The following ATL2 variants were observed in gnomAD, a reference collection of about 807,000 sequenced individuals.
ATL2 encodes the protein atlastin GTPase 2.
Under a neutral mutation model 73.9 loss-of-function variants are expected in ATL2, and 31 were observed. That is an observed-to-expected ratio of 0.42 (90% CI 0.32 to 0.57). ATL2 has a LOEUF of 0.57. Among genes scored for constraint, ATL2 ranks in the 20% least tolerant of loss-of-function variants. The pLI is 0.14. For synonymous variants in ATL2, 291 were observed against 237.5 expected, an observed-to-expected ratio of 1.23 and a Z score of -2.07; for missense variants, 738 against 702.6, an observed-to-expected ratio of 1.05 and a Z score of -0.57.
At position 38,319,895 on chromosome 2, in the gene ATL2, G is replaced by A. The variant is rs553613313; in HGVS notation, c.364-876C>T. Reference sequence around the variant, plus strand: ...GGACGAGGCAGGTGGCTCACCTGAGGTCAGGAGTTCGAGACCAGCCTGGCC... The same window carrying A: ...GGACGAGGCAGGTGGCTCACCTGAGATCAGGAGTTCGAGACCAGCCTGGCC... On this transcript the variant is annotated intron_variant, in intron 2 of 12. Transcript: ENST00000378954. Among the ~76,000 whole-genome samples, 21 of 152,168 alleles carry A rather than the reference G, an allele frequency of 1.4e-4. No individual in the cohort carries two copies. In the South Asian group the frequency reaches 4.2e-3, roughly 30 times the overall value.
chr2:38,372,528 A>T (rs947056318), intron 1 of ATL2, among the ~76,000 whole-genome samples: 60 of 152,214 alleles, frequency 3.9e-4, no homozygotes, highest in Admixed American at 2.7e-3. Context: ...CTGTACTTGG[A>T]AACTGCCATA....
At chr2:38,312,988 C>A (rs1423091016) in intron 7 of ATL2, among the ~76,000 whole-genome samples, 163 bp downstream of exon 7, 1 of 152,114 alleles carries the variant, frequency 6.6e-6, no homozygotes, top group East Asian at 1.9e-4. Context: ...AGGAATGCAA[C>A]CACTTTACTT....
At chr2:38,300,352 G>C in intron 9 of ATL2, 24 bp from the exon 10 acceptor site, 1 of 1,571,534 alleles carries the variant, frequency 6.4e-7, no homozygotes, top group Non-Finnish European at 8.8e-7. Context: ...AGATTTGTTA[G>C]ACTGACGGAT....
chr2:38,309,690 T>C (rs1331014097), intron 8 of ATL2, among the ~76,000 whole-genome samples, 184 bp from the exon 9 acceptor site: 1 of 152,078 alleles, frequency 6.6e-6, no homozygotes, highest in Non-Finnish European at 1.5e-5. Flanking sequence ...TAATCCCCCT[T>C]ACTCTACTAG....
At chr2:38,301,453 T>C (rs1450713359) in intron 9 of ATL2, among the ~76,000 whole-genome samples, 1 of 152,178 alleles carries the variant, frequency 6.6e-6, no homozygotes, top group Non-Finnish European at 1.5e-5. Flanking sequence ...GGTTTTAACT[T>C]CAGATCACTG....
intron 2 of ATL2, among the ~76,000 whole-genome samples, chr2:38,321,560 C>G (rs1668323872): frequency 6.6e-6 from 1 of 152,130 alleles, no homozygotes; most frequent in Non-Finnish European, 1.5e-5. Context: ...CTATGCAACT[C>G]CTGCTCTATC....
intron 2 of ATL2, among the ~76,000 whole-genome samples, chr2:38,319,602 A>C (rs1307263088): frequency 8.0e-6 from 1 of 125,508 alleles, no homozygotes; most frequent in Non-Finnish European, 1.7e-5. Flanking sequence ...CTGCCTCAAA[A>C]ACAAAAAAAA....
intron 9 of ATL2, among the ~76,000 whole-genome samples, chr2:38,306,264 C>A (rs1667441502): frequency 6.6e-6 from 1 of 152,118 alleles, no homozygotes; most frequent in Admixed American, 6.5e-5. Context: ...AGTCTCCCAA[C>A]AAAGAAAAGC....
At chr2:38,325,901 TTGTTTAAAA>T (rs1339148735) in intron 2 of ATL2, among the ~76,000 whole-genome samples, 2 of 56,062 alleles carry the variant, frequency 3.6e-5, no homozygotes, top group African/African-American at 1.7e-4. Context: ...GTTTGTTTGT[TTGTTTAAAA>T]AAAAAAAAAA....
intron 7 of ATL2, 75 bp from the exon 8 acceptor site, chr2:38,310,522 C>T (rs533184330): frequency 9.4e-5 from 123 of 1,302,682 alleles, no homozygotes; most frequent in East Asian, 2.2e-4. Context: ...CACACAGACT[C>T]GCATGCACAC....
At chr2:38,326,042 A>T (rs1266126636) in intron 2 of ATL2, among the ~76,000 whole-genome samples, 1 of 152,112 alleles carries the variant, frequency 6.6e-6, no homozygotes, top group African/African-American at 2.4e-5. Flanking sequence ...GTTCCAGACC[A>T]GCCTGGGCAA....
At chr2:38,367,304 A>G (rs1291681388) in intron 1 of ATL2, among the ~76,000 whole-genome samples, 1 of 151,992 alleles carries the variant, frequency 6.6e-6, no homozygotes, top group Non-Finnish European at 1.5e-5. Flanking sequence ...AACAATCAAT[A>G]TATGATTAAC....
At chr2:38,339,970 C>G (rs950061358) in intron 2 of ATL2, among the ~76,000 whole-genome samples, 7 of 152,074 alleles carry the variant, frequency 4.6e-5, no homozygotes, top group African/African-American at 1.7e-4. Flanking sequence ...GGATTACAGG[C>G]GTGAGCCCCA....
At chr2:38,328,091 G>C (rs1558415482) in intron 2 of ATL2, among the ~76,000 whole-genome samples, 1 of 150,056 alleles carries the variant, frequency 6.7e-6, no homozygotes, top group Non-Finnish European at 1.5e-5. Context: ...AGCTAGAGTA[G>C]CTATGTTAAT....
Position 38,295,940 on chromosome 2 carries a change from TTGTACAGCAAGC to T in ATL2, c.*42_*53del. ...TGGTTTATTTTTATTTGAGTTCTCA[TTGTACAGCAAGC>T]ATGAAAAAAAAAGAGAGTGGAGTCC... On this transcript the variant is annotated 3_prime_UTR_variant, in exon 13 of 13. Transcript: ENST00000378954. The T allele has an allele frequency of 7.1e-7, 1 of 1,403,006 alleles. No individual in the cohort carries two copies. Among genetic ancestry groups the T allele is most frequent in the Non-Finnish European group, 9.7e-7 (1 of 1,027,328 alleles). 86.9% of individuals were successfully genotyped at this position (1,403,006 alleles called of 1,614,324 possible).
At chr2:38,305,393 C>T (rs957106625) in intron 9 of ATL2, among the ~76,000 whole-genome samples, 2 of 151,856 alleles carry the variant, frequency 1.3e-5, no homozygotes, top group African/African-American at 4.8e-5. Flanking sequence ...ACTAAAAATA[C>T]AAAAAATTAG....
chr2:38,334,617 G>C (rs1669197212), intron 2 of ATL2, among the ~76,000 whole-genome samples: 1 of 151,280 alleles, frequency 6.6e-6, no homozygotes, highest in Non-Finnish European at 1.5e-5. Flanking sequence ...AGAATTGCTT[G>C]AACCTGGGAG....
chr2:38,304,981 C>A (rs768791981), intron 9 of ATL2, among the ~76,000 whole-genome samples: 8 of 151,822 alleles, frequency 5.3e-5, no homozygotes, highest in Non-Finnish European at 1.2e-4. Flanking sequence ...CACAGAGTGG[C>A]TGAATGGGTT....
At chr2:38,376,127 C>A in intron 1 of ATL2, 1 of 1,522,374 alleles carries the variant, frequency 6.6e-7, no homozygotes, top group Non-Finnish European at 8.8e-7. Flanking sequence ...AAATCGTAGG[C>A]TTTTACTATT....
Sources: allele counts gnomAD v4.1 joint callset (sites outside exome capture counted in the v4.1 genomes callset), GRCh38; gene constraint gnomAD v4.1.1; transcripts MANE v1.5; gene names NCBI Gene and HGNC (gene_info 2026-07-23, HGNC 2026-07-21).